The following FBRS variants were observed in gnomAD, a reference collection of about 807,000 sequenced individuals.
FBRS encodes probable fibrosin-1.
In FBRS, 15 loss-of-function variants were observed where a neutral mutation model predicts 86.1. That is an observed-to-expected ratio of 0.17 (90% CI 0.12 to 0.27). The LOEUF is 0.27. Ranked by LOEUF, FBRS falls within the 10% of genes least tolerant of loss-of-function variation. The pLI is 1.00. For synonymous variants in FBRS, 666 were observed against 575.8 expected, an observed-to-expected ratio of 1.16 and a Z score of -2.24; for missense variants, 1,367 against 1,301.6, an observed-to-expected ratio of 1.05 and a Z score of -0.77.
intron 2 of FBRS, among the ~76,000 whole-genome samples, chr16:30,660,759 A>G (rs2052449929): frequency 6.6e-6 from 1 of 152,198 alleles, no homozygotes; most frequent in Non-Finnish European, 1.5e-5. Flanking sequence ...CAGAAAAGAA[A>G]TAGCCAGCAA....
Position 30,668,671 on chromosome 16 carries a change from G to A in FBRS, c.2158+28G>A, listed in dbSNP as rs529120298. The A allele has an allele frequency of 1.6e-5, 25 of 1,588,626 alleles. No individual in the cohort carries two copies. In the East Asian group the frequency reaches 2.9e-4, roughly 19 times the overall value. On this transcript the variant is annotated intron_variant, in intron 16 of 17. Coordinates refer to ENST00000356166, the MANE Select transcript of FBRS (RefSeq NM_001105079.3). ...GAGTGCGGGTGCGGTGGGGTGGGGG[G>A]GCTGCGGCCACAGGGTGAGAGCTCA... is the stretch of plus-strand genomic sequence containing the variant.
Position 30,668,994 on chromosome 16 carries a change from C to A in FBRS, c.2366+15C>A. 1 of 1,534,484 alleles carries A rather than the reference C, an allele frequency of 6.5e-7. No homozygotes were observed. Among genetic ancestry groups the A allele is most frequent in the East Asian group, 2.4e-5 (1 of 41,590 alleles). Reference sequence around the variant, plus strand: ...GAGAAGGACAGGTGTGCCTCCCACCCACCCTGCCCCTGCCCCACCCTCAGC... The same window carrying A: ...GAGAAGGACAGGTGTGCCTCCCACCAACCCTGCCCCTGCCCCACCCTCAGC... On this transcript the variant is annotated intron_variant, in intron 17 of 17. Coordinates refer to ENST00000356166, the MANE Select transcript of FBRS (RefSeq NM_001105079.3).
At chr16:30,662,396 C>T in intron 4 of FBRS, 24 bp from the exon 5 acceptor site, 1 of 1,550,176 alleles carries the variant, frequency 6.5e-7, no homozygotes, top group Non-Finnish European at 8.7e-7. Flanking sequence ...CAACCTAACT[C>T]TATCCCTTGC....
At chr16:30,663,022 C>G in intron 6 of FBRS, 163 bp downstream of exon 6, 4 of 1,212,322 alleles carry the variant, frequency 3.3e-6, no homozygotes, top group Non-Finnish European at 4.2e-6. Context: ...TATTTGAGTC[C>G]GTTACACATT....
rs778420471 is a variant in FBRS, at chr16:30,665,005, G to A, written c.1564-30G>A. 6.2e-7 allele frequency: 1 copy of A among 1,612,046 alleles called. No individual in the cohort carries two copies. The highest frequency in any genetic ancestry group is 1.7e-5 in the Admixed American group (1 of 59,758). On this transcript the variant is annotated intron_variant, in intron 8 of 17. Transcript: ENST00000356166. This position sits in a 1 kb window ranked among gnomAD's most constrained non-coding sequence, Gnocchi z 4.1. Reference sequence around the variant, plus strand: ...TGGGGGAAGGCCCGGGTCCCTGGCTGGCAGCTTACTCTTCCCTTCTCTTCC... The same window carrying A: ...TGGGGGAAGGCCCGGGTCCCTGGCTAGCAGCTTACTCTTCCCTTCTCTTCC...
At chr16:30,660,142 G>C (rs1294811237) in intron 1 of FBRS, 121 bp from the exon 2 acceptor site, 2 of 1,421,314 alleles carry the variant, frequency 1.4e-6, no homozygotes, top group African/African-American at 1.5e-5. Flanking sequence ...GGAGGAGGTA[G>C]AGCTCGTCTC....
chr16:30,662,940 G>A, intron 6 of FBRS, 81 bp downstream of exon 6: 4 of 1,339,894 alleles, frequency 3.0e-6, no homozygotes, highest in Non-Finnish European at 3.8e-6. Context: ...TACCTGTGGG[G>A]TATGACTTGA....
At chr16:30,666,616 C>G in intron 12 of FBRS, 75 bp downstream of exon 12, 1 of 1,606,754 alleles carries the variant, frequency 6.2e-7, no homozygotes, top group Non-Finnish European at 8.5e-7. Context: ...GGGGGTTTTG[C>G]TTACAAATAA....
At position 30,669,227 on chromosome 16, in the gene FBRS, C is replaced by CTG; in HGVS notation, c.2525_2526insTG (p.Ala844LeufsTer62). 1 of 1,544,006 alleles carries CTG rather than the reference C, an allele frequency of 6.5e-7. No individual in the cohort carries two copies. Among genetic ancestry groups the CTG allele is most frequent in the East Asian group, 2.5e-5 (1 of 40,714 alleles). On this transcript the variant is annotated frameshift_variant, in exon 18 of 18. Transcript: ENST00000356166. LOFTEE classifies it high-confidence loss of function. The surrounding 1 kb of genome is among the most constrained non-coding windows in gnomAD (Gnocchi z 5.9). Reference sequence around the variant, plus strand: ...GCCGCTGCCGCTGCTGCTGCCGCCGCCGCTGCCGCCGCCGCAGCAGCCACT... The same window carrying CTG: ...GCCGCTGCCGCTGCTGCTGCCGCCGCTGCGCTGCCGCCGCCGCAGCAGCCACT...
Position 30,670,599 on chromosome 16 carries a change from G to A in FBRS, c.*954G>A, listed in dbSNP as rs78725245. On this transcript the variant is annotated 3_prime_UTR_variant, in exon 18 of 18. Transcript: ENST00000356166. ...GTACCACACACCAAAGAAGGGGGTC[G>A]GCCCAGGGGTGGGCGACACAGGCAG... 31 of 167,594 alleles carry A rather than the reference G, an allele frequency of 1.8e-4. No individual in the cohort carries two copies. In the East Asian group the frequency reaches 5.8e-3, roughly 31 times the overall value. The allele number at this position is 167,594 out of a possible 1,614,324, so 10.4% of individuals were successfully genotyped here. A position where few individuals can be genotyped will look rare whatever the true frequency, so the allele number is the denominator to read the frequency against.
At chr16:30,660,471 C>G in intron 2 of FBRS, 29 bp downstream of exon 2, 10 of 1,256,256 alleles carry the variant, frequency 8.0e-6, no homozygotes, top group Non-Finnish European at 1.0e-5. Flanking sequence ...ACTCTTTAGG[C>G]AGAATGTATT....
intron 14 of FBRS, 44 bp from the exon 15 acceptor site, chr16:30,667,498 G>A (rs1359922323): frequency 1.3e-6 from 2 of 1,513,868 alleles, no homozygotes; most frequent in African/African-American, 1.4e-5. Context: ...GGCCCAGCTT[G>A]TGCCCACTCA....
rs753936410 is a variant in FBRS at position 30,668,540 on chromosome 16, AC to A, written c.2075-14del. On this transcript the variant is annotated intron_variant, in intron 15 of 17. Transcript: ENST00000356166. ...GCACCGGCTGCCCAGTGCTCTGACC[AC>A]CCCCCTTTCCTCCCACAGATCCCTT... The A allele has an allele frequency of 6.9e-6, 11 of 1,601,892 alleles. No homozygotes were observed. Among genetic ancestry groups the A allele is most frequent in the African/African-American group, 5.4e-5 (4 of 74,094 alleles).
At position 30,665,166 on chromosome 16, in the gene FBRS, T is replaced by C; in HGVS notation, c.1608+87T>C. 6.5e-7 allele frequency: 1 copy of C among 1,549,060 alleles called. No individual in the cohort carries two copies. Among genetic ancestry groups the C allele is most frequent in the Non-Finnish European group, 8.7e-7 (1 of 1,144,326 alleles). On this transcript the variant is annotated intron_variant, in intron 9 of 17. Coordinates refer to ENST00000356166, the MANE Select transcript of FBRS (RefSeq NM_001105079.3). The surrounding 1 kb of genome is among the most constrained non-coding windows in gnomAD (Gnocchi z 4.1). ...TGTGACCCTGACTGCTGGGGTCCAG[T>C]CTTCAGCACAAAAGCAAGAGCCTTG...
chr16:30,664,807 C>G lies in FBRS; in HGVS notation c.1450C>G (p.Leu484Val), dbSNP rs2052502345. 2 of 1,558,160 alleles carry G rather than the reference C, an allele frequency of 1.3e-6. No individual in the cohort carries two copies. The highest frequency in any genetic ancestry group is 1.7e-6 in the Non-Finnish European group (2 of 1,150,692). Reference protein sequence around the residue: ...VVGAGGSARPLAFQFHQHNHQ... With the variant: ...VVGAGGSARPVAFQFHQHNHQ... ...GGGGGCAGGGGGCTCGGCCCGGCCC[C>G]TGGCCTTCCAGTTCCACCAGCACAA... Residue 484 changes from leucine (L) to valine (V), a missense_variant, in exon 8 of 18, where the codon CTG (leucine) becomes GTG (valine). Coordinates refer to ENST00000356166, the MANE Select transcript of FBRS (RefSeq NM_001105079.3).
At chr16:30,663,917 A>G (rs1401757575) in intron 6 of FBRS, among the ~76,000 whole-genome samples, 1 of 152,182 alleles carries the variant, frequency 6.6e-6, no homozygotes, top group East Asian at 1.9e-4. Context: ...TTAAGCGTCA[A>G]CATGAATGAT....
intron 13 of FBRS, 22 bp from the exon 14 acceptor site, chr16:30,667,298 C>T (rs1320617707): frequency 6.6e-7 from 1 of 1,515,374 alleles, no homozygotes; most frequent in African/African-American, 1.4e-5. Context: ...ATGTACTGCC[C>T]CTCTCCCTGT....
intron 1 of FBRS, 52 bp from the exon 2 acceptor site, chr16:30,660,211 G>C: frequency 7.5e-7 from 1 of 1,342,114 alleles, no homozygotes; most frequent in Non-Finnish European, 9.6e-7. Flanking sequence ...CCCTAGAGGG[G>C]TTGGGAGCTT....
intron 7 of FBRS, 65 bp downstream of exon 7, chr16:30,664,581 T>C (rs999246281): frequency 1.4e-6 from 2 of 1,430,706 alleles, no homozygotes; most frequent in African/African-American, 2.9e-5. Flanking sequence ...CAGTTGGCTT[T>C]GGGGCACCTG....
Sources: gnomAD v4.1 joint callset for allele counts (sites outside exome capture counted in the v4.1 genomes callset) on GRCh38, gnomAD v4.1.1 for gene constraint, Gnocchi (gnomAD v3.1) non-coding constraint, MANE v1.5 for transcripts, NCBI Gene and HGNC (gene_info 2026-07-23, HGNC 2026-07-21) for gene names.